The following SMG6 variants were observed in gnomAD, a reference collection of about 807,000 sequenced individuals.
SMG6 encodes telomerase-binding protein EST1A.
Under a neutral mutation model 142.2 loss-of-function variants are expected in SMG6, and 66 were observed. The ratio of observed to expected loss-of-function variants is 0.46; its 90% confidence interval spans 0.38 to 0.57. The LOEUF is 0.57. SMG6 is among the 20% of genes least tolerant of loss of function. The probability of loss-of-function intolerance (pLI) is 0.00; values close to 1 mark genes in which losing one functional copy is unlikely to be tolerated. For missense variants in SMG6, 1,793 were observed against 1,832.0 expected (o/e 0.98, Z 0.39); for synonymous variants, 779 against 702.4 (o/e 1.11, Z -1.72).
intron 13 of SMG6, among the ~76,000 whole-genome samples, chr17:2,119,265 G>C (rs1469639007): frequency 1.3e-5 from 2 of 152,006 alleles, no homozygotes; most frequent in Non-Finnish European, 2.9e-5. Context: ...CACTGTGTTA[G>C]CCAGGACGGT....
rs558386840 is a variant in SMG6, at chr17:2,195,659, C to G, written c.2870-7144G>C. On this transcript the variant is annotated intron_variant, in intron 10 of 18. Transcript: ENST00000263073. ...ATTCCACTGTGGCCAGACATAATAA[C>G]TAAGACATTTTGAGACCTATGTTAG... is the stretch of plus-strand genomic sequence containing the variant. 7.9e-5 allele frequency among the ~76,000 whole-genome samples: 12 copies of G among 152,292 alleles called. No homozygotes were observed. The South Asian group carries it at 2.5e-3, about 32-fold the overall frequency.
intron 12 of SMG6, among the ~76,000 whole-genome samples, chr17:2,183,746 ACACACACACACACACACACACACACAC>A (rs2071878785): frequency 5.8e-4 from 1 of 1,710 alleles, no homozygotes; most frequent in Non-Finnish European, 9.3e-4. Context: ...GGTGCGTGCG[ACACACACACACACACACACACACACAC>A]ACACACACAC....
At chr17:2,233,965 C>T (rs2073574670) in intron 10 of SMG6, among the ~76,000 whole-genome samples, 1 of 152,202 alleles carries the variant, frequency 6.6e-6, no homozygotes, top group South Asian at 2.1e-4. Flanking sequence ...TTCCTTGAAA[C>T]ACCCTTGGAG....
chr17:2,109,727 C>T (rs542171963), intron 13 of SMG6, among the ~76,000 whole-genome samples: 5 of 152,174 alleles, frequency 3.3e-5, no homozygotes, highest in African/African-American at 1.2e-4. Context: ...TTTATACTGA[C>T]AAAACAGAGA....
chr17:2,294,138 G>A (rs1024517514), intron 4 of SMG6, among the ~76,000 whole-genome samples: 10 of 152,152 alleles, frequency 6.6e-5, no homozygotes, highest in African/African-American at 1.9e-4. Context: ...CTCACTAAGC[G>A]AAATAGCTAC....
At chr17:2,089,290 C>G (rs2068649327) in intron 13 of SMG6, among the ~76,000 whole-genome samples, 1 of 152,094 alleles carries the variant, frequency 6.6e-6, no homozygotes, top group Non-Finnish European at 1.5e-5. Flanking sequence ...AGGCTCCCTT[C>G]CTGGGCTACA....
At chr17:2,300,790 T>C (rs929140104) in intron 1 of SMG6, 126 bp from the exon 2 acceptor site, 3 of 800,408 alleles carry the variant, frequency 3.7e-6, no homozygotes, top group Admixed American at 6.4e-5. Context: ...CATATCCAAA[T>C]GCTAATACTG....
intron 13 of SMG6, among the ~76,000 whole-genome samples, chr17:2,165,373 C>G (rs1269367416): frequency 6.6e-6 from 1 of 152,166 alleles, no homozygotes; most frequent in Admixed American, 6.5e-5. Context: ...AAAATAAATT[C>G]ATTTATTGAC....
intron 13 of SMG6, among the ~76,000 whole-genome samples, chr17:2,142,789 G>A (rs1382747157): frequency 1.3e-5 from 2 of 151,108 alleles, no homozygotes; most frequent in East Asian, 3.9e-4. Context: ...TCGGGAGGCT[G>A]AGGCGGGAGA....
chr17:2,290,866 CGT>C (rs1195748772), intron 6 of SMG6, among the ~76,000 whole-genome samples: 1 of 152,136 alleles, frequency 6.6e-6, no homozygotes, highest in East Asian at 1.9e-4. Flanking sequence ...CGCTCAACAT[CGT>C]GTGTCATTAG....
intron 9 of SMG6, among the ~76,000 whole-genome samples, chr17:2,238,736 ACAGATC>A (rs1457688223): frequency 6.6e-6 from 1 of 152,200 alleles, no homozygotes; most frequent in Non-Finnish European, 1.5e-5. Flanking sequence ...GGAATTGGAA[ACAGATC>A]CATTAACACT....
intron 6 of SMG6, among the ~76,000 whole-genome samples, chr17:2,290,331 T>C (rs144573956): frequency 0.011 from 1,624 of 152,266 alleles, 38 homozygotes; most frequent in African/African-American, 0.038. Flanking sequence ...AGCTGGTCTT[T>C]GACAAAGGAG....
chr17:2,205,828 A>G (rs1567682068), intron 10 of SMG6, among the ~76,000 whole-genome samples: 1 of 152,106 alleles, frequency 6.6e-6, no homozygotes, highest in Non-Finnish European at 1.5e-5. Flanking sequence ...TTTTCTTCCC[A>G]GACAGATGCT....
At chr17:2,303,122 G>A (rs1348388539) in intron 1 of SMG6, 17 of 985,308 alleles carry the variant, frequency 1.7e-5, no homozygotes, top group Admixed American at 6.1e-5. Context: ...CTGAGGTCCC[G>A]GATCCCTCCA....
chr17:2,185,537 G>T (rs1184745500), intron 12 of SMG6, among the ~76,000 whole-genome samples: 2 of 136,830 alleles, frequency 1.5e-5, no homozygotes, highest in Non-Finnish European at 3.1e-5. Context: ...CACATAAACT[G>T]ATCTACGTAA....
chr17:2,114,001 C>T (rs1386663126), intron 13 of SMG6, among the ~76,000 whole-genome samples: 1 of 152,228 alleles, frequency 6.6e-6, no homozygotes, highest in Non-Finnish European at 1.5e-5. Flanking sequence ...GGCACGGTGG[C>T]TCACGCCTGT....
intron 10 of SMG6, among the ~76,000 whole-genome samples, chr17:2,192,849 G>A (rs913344790): frequency 2.6e-5 from 4 of 152,174 alleles, no homozygotes; most frequent in Non-Finnish European, 4.4e-5. Context: ...GGAAGCAGTC[G>A]CTGTATAGGA....
chr17:2,241,949 G>A (rs1249861870), intron 9 of SMG6, among the ~76,000 whole-genome samples: 2 of 152,192 alleles, frequency 1.3e-5, no homozygotes, highest in African/African-American at 2.4e-5. Context: ...CAGGGAACAC[G>A]TGGCAATGTC....
At chr17:2,298,680 T>C (rs1005935381) in intron 2 of SMG6, among the ~76,000 whole-genome samples, 1 of 148,222 alleles carries the variant, frequency 6.7e-6, no homozygotes, top group African/African-American at 2.5e-5. Flanking sequence ...ATCGTGCCAC[T>C]GCACTCCAGC....
Sources: allele counts gnomAD v4.1 joint callset (sites outside exome capture counted in the v4.1 genomes callset), GRCh38; gene constraint gnomAD v4.1.1; transcripts MANE v1.5; gene names NCBI Gene and HGNC (gene_info 2026-07-23, HGNC 2026-07-21).